Variants in WWTR1 observed in about 807,000 individuals in gnomAD.
WWTR1 encodes the protein WW domain containing transcription regulator 1.
A neutral mutation model predicts 40.1 loss-of-function variants in WWTR1; 13 were observed. The observed-to-expected ratio is 0.32, with a 90% CI of 0.21 to 0.52. WWTR1 has a LOEUF of 0.52. Ranked by LOEUF, WWTR1 falls within the 20% of genes least tolerant of loss-of-function variation. WWTR1 has a pLI of 0.97. For synonymous variants in WWTR1, 230 were observed against 210.1 expected, an observed-to-expected ratio of 1.09 and a Z score of -0.82; for missense variants, 436 against 523.1, an observed-to-expected ratio of 0.83 and a Z score of 1.63.
chr3:149,551,275 G>A lies in WWTR1; in HGVS notation c.569-8738C>T, dbSNP rs541822095. 1.4e-4 allele frequency among the ~76,000 whole-genome samples: 19 copies of A among 138,034 alleles called. 3 individuals carry two copies. The South Asian group carries it at 4.6e-3, about 34-fold the overall frequency. The allele number at this position is 138,034 out of a possible 152,430, so 90.6% of individuals were successfully genotyped here. ...ACCACGCCATTGCTCTCCAGCCTGG[G>A]CAGCAAGAGTGAAACTTCGTCTCCA... On this transcript the variant is annotated intron_variant, in intron 3 of 6. Transcript: ENST00000360632.
intron 2 of WWTR1, among the ~76,000 whole-genome samples, chr3:149,616,589 C>T (rs139298247): frequency 1.6e-4 from 24 of 152,060 alleles, no homozygotes; most frequent in Admixed American, 9.2e-4. Flanking sequence ...ATTACAGGGA[C>T]GTGCCACCAC....
intron 3 of WWTR1, among the ~76,000 whole-genome samples, chr3:149,571,699 C>T (rs1025633638): frequency 2.0e-5 from 3 of 152,194 alleles, no homozygotes; most frequent in South Asian, 4.1e-4. Context: ...CCAGGAATAA[C>T]GCTTCCATTT....
chr3:149,689,334 T>C (rs555604909), intron 1 of WWTR1, among the ~76,000 whole-genome samples: 14 of 122,654 alleles, frequency 1.1e-4, no homozygotes, highest in African/African-American at 4.1e-4. Flanking sequence ...TGAGCTGAGA[T>C]CATGCCACTG....
At position 149,522,527 on chromosome 3, in the gene WWTR1, G is replaced by A. The variant is rs141146481; in HGVS notation, c.1019-1538C>T. 5.6e-3 allele frequency among the ~76,000 whole-genome samples: 856 copies of A among 152,024 alleles called. 7 individuals carry two copies. The highest frequency in any genetic ancestry group is 9.1e-3 in the Non-Finnish European group (621 of 67,948). On this transcript the variant is annotated intron_variant, in intron 6 of 6. Coordinates refer to ENST00000360632, the MANE Select transcript of WWTR1 (RefSeq NM_015472.6). ...CTGATATTGAAAAATAACGTTAAAC[G>A]AAAAAACAAAATCCAAAATAACTTT... is the stretch of plus-strand genomic sequence containing the variant.
chr3:149,540,009 C>T (rs1736014055), intron 4 of WWTR1, among the ~76,000 whole-genome samples: 1 of 151,292 alleles, frequency 6.6e-6, no homozygotes, highest in African/African-American at 2.4e-5. Context: ...TTTTCCTGTA[C>T]TCCCTAACAA....
chr3:149,647,971 G>A (rs1432158189), intron 2 of WWTR1, among the ~76,000 whole-genome samples: 2 of 152,172 alleles, frequency 1.3e-5, no homozygotes, highest in Non-Finnish European at 2.9e-5. Flanking sequence ...ATACAAGTCA[G>A]TACAAGCTCC....
At chr3:149,702,569 C>T (rs1472697663) in intron 1 of WWTR1, 2 of 151,654 alleles carry the variant, frequency 1.3e-5, no homozygotes, top group South Asian at 2.1e-4. Flanking sequence ...GTATGTGAAG[C>T]ATGTAGCAAA....
chr3:149,548,156 C>T (rs1736452633), intron 3 of WWTR1, among the ~76,000 whole-genome samples: 1 of 152,152 alleles, frequency 6.6e-6, no homozygotes, highest in South Asian at 2.1e-4. Flanking sequence ...TAAGTGTATG[C>T]TCAAGGCAAG....
At chr3:149,595,445 A>C (rs943228611) in intron 2 of WWTR1, among the ~76,000 whole-genome samples, 6 of 152,110 alleles carry the variant, frequency 3.9e-5, no homozygotes, top group African/African-American at 1.4e-4. Context: ...TCTTTTTTAG[A>C]GGCAACTATT....
At position 149,683,768 on chromosome 3, in the gene WWTR1, G is replaced by A. The variant is rs554521000; in HGVS notation, c.-107-13877C>T. Among the ~76,000 whole-genome samples, 23 of 152,278 alleles carry A rather than the reference G, an allele frequency of 1.5e-4. No individual in the cohort carries two copies. In the South Asian group the frequency reaches 1.7e-3, roughly 11 times the overall value. On this transcript the variant is annotated intron_variant, in intron 1 of 7. Coordinates refer to the WWTR1 transcript ENST00000465804. ...GGGGTCTGGCAAAGAGTAGATAAGC[G>A]AGTGGAAAACCAATGGGAAGGGGGT...
chr3:149,568,556 A>AAC (rs1737461904), intron 3 of WWTR1, among the ~76,000 whole-genome samples: 2 of 138,562 alleles, frequency 1.4e-5, no homozygotes, highest in African/African-American at 2.7e-5. Context: ...AAAAAAAAAA[A>AAC]AAAACCATAT....
At chr3:149,681,404 T>A (rs6793990) in intron 1 of WWTR1, among the ~76,000 whole-genome samples, 45,459 of 151,958 alleles carry the variant, frequency 0.3, 7,080 homozygotes, top group Admixed American at 0.39. Flanking sequence ...TCATTGTGGT[T>A]TTGATTTATA....
chr3:149,663,004 A>G (rs544372840), upstream of WWTR1, among the ~76,000 whole-genome samples: 1 of 151,996 alleles, frequency 6.6e-6, no homozygotes, highest in Non-Finnish European at 1.5e-5. Context: ...CTCTTTCCAC[A>G]TGTAATCAAA....
chr3:149,694,904 C>T (rs1714934473), intron 1 of WWTR1, among the ~76,000 whole-genome samples: 1 of 152,186 alleles, frequency 6.6e-6, no homozygotes, highest in African/African-American at 2.4e-5. Context: ...GATTTGGAAT[C>T]AACCTAAGTG....
At chr3:149,690,035 T>C (rs1216807434) in intron 1 of WWTR1, among the ~76,000 whole-genome samples, 1 of 152,182 alleles carries the variant, frequency 6.6e-6, no homozygotes, top group African/African-American at 2.4e-5. Context: ...TTCTTTGTTT[T>C]TGCAATCAGA....
intron 3 of WWTR1, among the ~76,000 whole-genome samples, chr3:149,568,549 A>AC (rs1445464547): frequency 9.1e-5 from 7 of 76,906 alleles, no homozygotes; most frequent in Non-Finnish European, 1.2e-4. Flanking sequence ...AAAAAAAAAA[A>AC]AAAAAAAAAA....
At chr3:149,570,480 A>T (rs1055290496) in intron 3 of WWTR1, among the ~76,000 whole-genome samples, 2 of 152,022 alleles carry the variant, frequency 1.3e-5, no homozygotes, top group African/African-American at 2.4e-5. Flanking sequence ...GAGGCATGAG[A>T]ATTGCTTGAA....
At position 149,518,636 on chromosome 3, in the gene WWTR1, G is replaced by C. The variant is rs1052850426; in HGVS notation, c.*2169C>G. On this transcript the variant is annotated 3_prime_UTR_variant, in exon 7 of 7. Transcript: ENST00000360632. ...AGGAACATAAACCATGGGTCCTTCAGGTAAAATAAGTCATTTCATAGTGAT... is the reference window on the plus strand; with the variant it reads ...AGGAACATAAACCATGGGTCCTTCACGTAAAATAAGTCATTTCATAGTGAT... 8 of 151,992 alleles carry C rather than the reference G, an allele frequency of 5.3e-5. No individual in the cohort carries two copies. The highest frequency in any genetic ancestry group is 5.3e-4 in the Admixed American group (8 of 15,228). The allele number at this position is 151,992 out of a possible 1,614,324, so 9.4% of individuals were successfully genotyped here.
intron 4 of WWTR1, among the ~76,000 whole-genome samples, chr3:149,718,800 G>A (rs1715674685): frequency 1.3e-5 from 2 of 151,368 alleles, no homozygotes; most frequent in African/African-American, 2.4e-5. Context: ...GTTGTAGCAT[G>A]CCTCAGAATT....
Sources: allele counts gnomAD v4.1 joint callset (sites outside exome capture counted in the v4.1 genomes callset), GRCh38; gene constraint gnomAD v4.1.1; transcripts MANE v1.5; gene names NCBI Gene and HGNC (gene_info 2026-07-23, HGNC 2026-07-21).